Variants in USP49 observed in about 807,000 individuals in gnomAD.
USP49 encodes the protein ubiquitin specific peptidase 49.
Under a neutral mutation model 58.6 loss-of-function variants are expected in USP49, and 24 were observed. The observed-to-expected ratio is 0.41, with a 90% confidence interval of 0.30 to 0.58. USP49 has a LOEUF of 0.58. Ranked by LOEUF, USP49 falls within the 20% of genes least tolerant of loss-of-function variation. USP49 has a pLI of 0.30. For synonymous variants in USP49, 408 were observed against 365.1 expected (o/e 1.12, Z -1.34); for missense variants, 703 against 866.1 (o/e 0.81, Z 2.36).
At chr6:41,798,577 A>G in intron 7 of USP49, 147 bp downstream of exon 7, 1 of 1,561,872 alleles carries the variant, frequency 6.4e-7, no homozygotes, top group African/African-American at 1.4e-5. Flanking sequence ...CGCCCAACCC[A>G]ATTTTCACAA....
At chr6:41,884,013 C>A (rs1774663474) in intron 2 of USP49, among the ~76,000 whole-genome samples, 1 of 152,016 alleles carries the variant, frequency 6.6e-6, no homozygotes, top group Non-Finnish European at 1.5e-5. Flanking sequence ...TCTACATCCA[C>A]ATGAACAGAT....
At chr6:41,866,889 T>C (rs929760478) in intron 3 of USP49, among the ~76,000 whole-genome samples, 4 of 152,120 alleles carry the variant, frequency 2.6e-5, no homozygotes, top group African/African-American at 7.2e-5. Flanking sequence ...CTTTAAGACA[T>C]TGTTTTGAAA....
chr6:41,811,626 G>A (rs1263062435), intron 3 of USP49, among the ~76,000 whole-genome samples: 1 of 152,162 alleles, frequency 6.6e-6, no homozygotes, highest in Non-Finnish European at 1.5e-5. Flanking sequence ...GCCAAGACTT[G>A]TGGGTGCTCA....
intron 2 of USP49, among the ~76,000 whole-genome samples, chr6:41,876,990 C>T (rs1384420778): frequency 1.3e-5 from 2 of 152,110 alleles, no homozygotes; most frequent in African/African-American, 4.8e-5. Flanking sequence ...TATCTCCAGT[C>T]CCACTCAAAT....
chr6:41,886,319 T>C (rs1774710110), intron 2 of USP49: 1 of 152,242 alleles, frequency 6.6e-6, no homozygotes, highest in Non-Finnish European at 1.5e-5. Context: ...CCACATACTC[T>C]ATGAATGCTT....
rs1249297609 is a variant in USP49, at chr6:41,790,958, G to A, written c.*5575C>T. ...CCAAGGAGGAAACTTTTAAGCCATA[G>A]TATAGATGCTAACCCCCATTTAGAC... On this transcript the variant is annotated 3_prime_UTR_variant, in exon 8 of 8. Transcript: ENST00000682992. 1 of 152,168 alleles carries A rather than the reference G, an allele frequency of 6.6e-6. No homozygotes were observed. Among genetic ancestry groups the A allele is most frequent in the Non-Finnish European group, 1.5e-5 (1 of 68,034 alleles). The allele number at this position is 152,168 out of a possible 1,614,324, so 9.4% of individuals were successfully genotyped here.
chr6:41,807,007 T>G lies in USP49; in HGVS notation c.-24A>C. 1.4e-6 allele frequency: 2 copies of G among 1,430,740 alleles called. No homozygotes were observed. Among genetic ancestry groups the G allele is most frequent in the Non-Finnish European group, 1.9e-6 (2 of 1,080,658 alleles). The allele number at this position is 1,430,740 out of a possible 1,614,324, so 88.6% of individuals were successfully genotyped here. The stretch of plus-strand genomic sequence containing the variant: ...ATGTCTTATAGAAGTCGCCACTTTC[T>G]CAACCTGGCACGACAGAGTCCCCAA... On this transcript the variant is annotated 5_prime_UTR_variant, in exon 4 of 8. It removes the in-frame stop codon of an upstream open reading frame in the 5' UTR. Coordinates refer to ENST00000682992, the MANE Select transcript of USP49 (RefSeq NM_001286554.2).
intron 3 of USP49, among the ~76,000 whole-genome samples, chr6:41,818,246 C>T (rs769099908): frequency 2.0e-5 from 3 of 152,136 alleles, no homozygotes; most frequent in Non-Finnish European, 4.4e-5. Context: ...AAAACCTAAC[C>T]CCTTTTCCAG....
At chr6:41,887,518 A>G (rs566961468) in intron 2 of USP49, among the ~76,000 whole-genome samples, 1 of 152,376 alleles carries the variant, frequency 6.6e-6, no homozygotes, top group East Asian at 1.9e-4. Flanking sequence ...CAAGAACAGT[A>G]GCTCTAGGTT....
chr6:41,872,017 T>G (rs911964285), intron 2 of USP49, among the ~76,000 whole-genome samples: 1 of 152,260 alleles, frequency 6.6e-6, no homozygotes, highest in Non-Finnish European at 1.5e-5. Context: ...GCTAAAATTA[T>G]TTTTGCGTAA....
At chr6:41,870,689 T>A (rs910193498) in intron 3 of USP49, among the ~76,000 whole-genome samples, 1 of 14,056 alleles carries the variant, frequency 7.1e-5, no homozygotes, top group Non-Finnish European at 1.9e-4. Flanking sequence ...ACCTGGCTAA[T>A]TTTTTTTTTT....
chr6:41,846,302 G>C (rs1773922847), intron 3 of USP49, among the ~76,000 whole-genome samples: 1 of 152,124 alleles, frequency 6.6e-6, no homozygotes, highest in African/African-American at 2.4e-5. Flanking sequence ...GGGTGACAGA[G>C]TGAGACTCTG....
intron 3 of USP49, among the ~76,000 whole-genome samples, chr6:41,817,410 T>C (rs1369626190): frequency 1.3e-5 from 2 of 149,932 alleles, no homozygotes; most frequent in African/African-American, 4.9e-5. Context: ...CCTCCCAAAG[T>C]GCTGGGATTA....
intron 3 of USP49, among the ~76,000 whole-genome samples, chr6:41,842,527 AAATTT>A (rs1448364338): frequency 6.6e-6 from 1 of 152,236 alleles, no homozygotes; most frequent in Admixed American, 6.5e-5. Context: ...AAAGATGGGC[AAATTT>A]AATAGGAAAT....
At position 41,806,348 on chromosome 6, in the gene USP49, G is replaced by A. The variant is rs1773127500; in HGVS notation, c.636C>T (p.Leu212=). 7 of 1,530,158 alleles carry A rather than the reference G, an allele frequency of 4.6e-6. No homozygotes were observed. Among genetic ancestry groups the A allele is most frequent in the Non-Finnish European group, 6.1e-6 (7 of 1,150,172 alleles). 94.8% of individuals were successfully genotyped at this position (1,530,158 alleles called of 1,614,324 possible). The change falls in exon 4 of 8, where the codon CTC becomes CTT. Residue 212 remains leucine (L), a synonymous_variant. Transcript: ENST00000682992. The surrounding 1 kb of genome is among the most constrained non-coding windows in gnomAD (Gnocchi z 5.9). ...STPPRKSARL[L]LHTPRDAGPA... ...GGCCCGCGTCGCGGGGCGTGTGCAG[G>A]AGCAGCCGTGCACTCTTGCGCGGAG...
chr6:41,857,434 CAG>C (rs1291666306), intron 3 of USP49, among the ~76,000 whole-genome samples: 4 of 152,142 alleles, frequency 2.6e-5, no homozygotes, highest in Admixed American at 6.6e-5. Context: ...CGCTTAAGCT[CAG>C]GAGTTCAAGA....
At chr6:41,875,253 A>G (rs1021018573) in intron 2 of USP49, among the ~76,000 whole-genome samples, 1 of 151,976 alleles carries the variant, frequency 6.6e-6, no homozygotes, top group Non-Finnish European at 1.5e-5. Flanking sequence ...ATATGTTTTA[A>G]AGTTTAAAAA....
rs1446894588 is a variant in USP49 at position 41,822,769 on chromosome 6, G to A, written c.-28-15758C>T. Among the ~76,000 whole-genome samples, 4 of 150,612 alleles carry A rather than the reference G, an allele frequency of 2.7e-5. No homozygotes were observed. In the South Asian group the frequency reaches 8.4e-4, roughly 32 times the overall value. ...CTGAGGCAGAAGAATCGCTTGAGCCGAGATCACACCACTGCACTCAAGCCT... is the reference window on the plus strand; with the variant it reads ...CTGAGGCAGAAGAATCGCTTGAGCCAAGATCACACCACTGCACTCAAGCCT... On this transcript the variant is annotated intron_variant, in intron 3 of 7. Transcript: ENST00000682992.
At chr6:41,826,015 G>A (rs1477467508) in intron 3 of USP49, among the ~76,000 whole-genome samples, 1 of 152,200 alleles carries the variant, frequency 6.6e-6, no homozygotes, top group African/African-American at 2.4e-5. Flanking sequence ...TATAATCCCG[G>A]CACTTTGGGA....
Sources: gnomAD v4.1 joint callset for allele counts (sites outside exome capture counted in the v4.1 genomes callset) on GRCh38, gnomAD v4.1.1 for gene constraint, Gnocchi (gnomAD v3.1) non-coding constraint, MANE v1.5 for transcripts, NCBI Gene and HGNC (gene_info 2026-07-23, HGNC 2026-07-21) for gene names.